GABBR2: variants seen among roughly 807,000 people sequenced by gnomAD.
The protein encoded by GABBR2 is gamma-aminobutyric acid type B receptor subunit 2.
Under a neutral mutation model 105.6 loss-of-function variants are expected in GABBR2, and 23 were observed. The ratio of observed to expected loss-of-function variants is 0.22; its 90% CI spans 0.16 to 0.31. The LOEUF is 0.31. Among genes scored for constraint, GABBR2 ranks in the 10% least tolerant of loss-of-function variants. The pLI, the probability that GABBR2 is intolerant of heterozygous loss-of-function variation, is 1.00. For synonymous variants in GABBR2, 478 were observed against 499.7 expected (o/e 0.96, Z 0.58); for missense variants, 734 against 1,245.5 (o/e 0.59, Z 6.18).
intron 13 of GABBR2, among the ~76,000 whole-genome samples, chr9:98,359,197 G>A (rs1273576355): frequency 1.3e-5 from 2 of 152,164 alleles, no homozygotes; most frequent in African/African-American, 2.4e-5. Context: ...GGAGGCTGAG[G>A]CAGGTGGATC....
intron 1 of GABBR2, among the ~76,000 whole-genome samples, chr9:98,645,100 C>T (rs887550085): frequency 6.6e-6 from 1 of 152,182 alleles, no homozygotes; most frequent in Non-Finnish European, 1.5e-5. Flanking sequence ...GAGAGACTGG[C>T]TTGCCATGAA....
In GABBR2 at chr9:98,708,779, T is replaced by A; in HGVS notation, c.-42A>T. 1.0e-6 allele frequency: 1 copy of A among 973,828 alleles called. No homozygotes were observed. The highest frequency in any genetic ancestry group is 1.2e-6 in the Non-Finnish European group (1 of 822,574). 60.3% of individuals were successfully genotyped at this position (973,828 alleles called of 1,614,324 possible). ...CGGGCGCCGGCTCACTCGGCCCGCA[T>A]GGCCTGGCCCGGCCCGCCGCCCCGC... On this transcript the variant is annotated 5_prime_UTR_variant, in exon 1 of 19. The change abolishes an upstream ATG in the 5' untranslated region. Transcript: ENST00000259455.
chr9:98,362,898 T>A, intron 12 of GABBR2, 61 bp from the exon 13 acceptor site: 1 of 1,417,526 alleles, frequency 7.1e-7, no homozygotes, highest in Admixed American at 2.5e-5. Flanking sequence ...ACGCAGCAAC[T>A]GGGGGCCCAG....
At chr9:98,477,125 G>A (rs992718194) in intron 5 of GABBR2, among the ~76,000 whole-genome samples, 32 of 152,176 alleles carry the variant, frequency 2.1e-4, no homozygotes, top group African/African-American at 7.7e-4. Flanking sequence ...GGCCATGCCA[G>A]TTCTCTCCTG....
rs182917854 is a variant in GABBR2 at position 98,371,641 on chromosome 9, C to T, written c.1663-70G>A. The T allele has an allele frequency of 2.2e-5, 18 of 820,388 alleles. No homozygotes were observed. The Admixed American group carries it at 3.1e-4, about 14-fold the overall frequency. 50.8% of individuals were successfully genotyped at this position (820,388 alleles called of 1,614,324 possible). On this transcript the variant is annotated intron_variant, in intron 11 of 18. Transcript: ENST00000259455. ...ACAGACTTCATCAGGTATGAGTCCA[C>T]CCTGCAAGGGGACTCTTTATGATGG...
chr9:98,535,722 T>C (rs2779599), intron 3 of GABBR2, among the ~76,000 whole-genome samples: 17,449 of 151,990 alleles, frequency 0.11, 1,311 homozygotes, highest in East Asian at 0.33. Flanking sequence ...TATCAAGCAA[T>C]GAAAAGACAT....
At chr9:98,499,158 G>GATC (rs1184745490) in intron 3 of GABBR2, among the ~76,000 whole-genome samples, 2 of 152,266 alleles carry the variant, frequency 1.3e-5, no homozygotes, top group African/African-American at 4.8e-5. Flanking sequence ...AAGTTGGAGT[G>GATC]ATCATTCCCA....
chr9:98,658,600 T>A (rs1830214654), intron 1 of GABBR2, among the ~76,000 whole-genome samples: 1 of 152,188 alleles, frequency 6.6e-6, no homozygotes, highest in South Asian at 2.1e-4. Flanking sequence ...GACCAGTCCT[T>A]ATTCAATGTG....
At chr9:98,678,320 T>C (rs1830500465) in intron 1 of GABBR2, among the ~76,000 whole-genome samples, 1 of 152,224 alleles carries the variant, frequency 6.6e-6, no homozygotes, top group African/African-American at 2.4e-5. Flanking sequence ...TACCAACCAC[T>C]GCCAGCTCTA....
At chr9:98,550,050 C>T (rs186008057) in intron 2 of GABBR2, among the ~76,000 whole-genome samples, 14 of 152,324 alleles carry the variant, frequency 9.2e-5, no homozygotes, top group African/African-American at 3.1e-4. Context: ...CTTTGACCTT[C>T]ATCCTGGAGC....
chr9:98,374,600 C>T (rs1289843526), intron 11 of GABBR2, among the ~76,000 whole-genome samples: 3 of 152,202 alleles, frequency 2.0e-5, no homozygotes, highest in Non-Finnish European at 2.9e-5. Context: ...AGTAGGCAGA[C>T]GGTGTCGACA....
At position 98,290,707 on chromosome 9, in the gene GABBR2, G is replaced by A. The variant is rs776455748; in HGVS notation, c.2703C>T (p.His901=). The A allele has an allele frequency of 2.6e-5, 38 of 1,489,520 alleles. No individual in the cohort carries two copies. Among genetic ancestry groups the A allele is most frequent in the South Asian group, 4.4e-5 (3 of 68,320 alleles). The allele number at this position is 1,489,520 out of a possible 1,614,324, so 92.3% of individuals were successfully genotyped here. The change falls in exon 19 of 19, where the codon CAC becomes CAT. Residue 901 remains histidine, a synonymous_variant. Transcript: ENST00000259455. The part of the protein sequence containing the change: ...RLSLQLPILH[H]AYLPSIGGVD... ...CGCCTCCGATGGATGGGAGGTAGGC[G>A]TGGTGGAGGATGGGGAGCTGGAGGG...
chr9:98,601,991 CTCTT>C (rs1406825330), intron 1 of GABBR2, among the ~76,000 whole-genome samples: 1 of 152,106 alleles, frequency 6.6e-6, no homozygotes, highest in Non-Finnish European at 1.5e-5. Context: ...ACTTGAACGG[CTCTT>C]TATTTTTTCA....
chr9:98,591,578 C>T (rs1829145214), intron 1 of GABBR2, among the ~76,000 whole-genome samples: 1 of 152,152 alleles, frequency 6.6e-6, no homozygotes, highest in African/African-American at 2.4e-5. Context: ...GCGTGAAGTG[C>T]TGGTGGATGG....
chr9:98,584,277 T>C (rs1453482065), intron 1 of GABBR2, among the ~76,000 whole-genome samples: 1 of 152,242 alleles, frequency 6.6e-6, no homozygotes. Context: ...ATGACTGGCC[T>C]AGCCTCTGTC....
At chr9:98,682,693 T>C (rs1426238132) in intron 1 of GABBR2, among the ~76,000 whole-genome samples, 1 of 151,962 alleles carries the variant, frequency 6.6e-6, no homozygotes, top group South Asian at 2.1e-4. Flanking sequence ...TTTACCAATC[T>C]TAATACATAA....
intron 17 of GABBR2, among the ~76,000 whole-genome samples, chr9:98,294,569 C>G (rs530378387): frequency 5.3e-5 from 8 of 151,946 alleles, no homozygotes; most frequent in Non-Finnish European, 8.8e-5. Context: ...ACTTCCACCT[C>G]CCAGGTTCAA....
chr9:98,376,920 A>G (rs1831884693), intron 11 of GABBR2, among the ~76,000 whole-genome samples: 1 of 152,112 alleles, frequency 6.6e-6, no homozygotes, highest in African/African-American at 2.4e-5. Flanking sequence ...AATTTCTGAA[A>G]GGCACCCCGT....
chr9:98,341,701 C>T (rs901588644), intron 13 of GABBR2, among the ~76,000 whole-genome samples: 9 of 152,220 alleles, frequency 5.9e-5, no homozygotes, highest in South Asian at 2.1e-4. Context: ...CTCAGTTCCA[C>T]GAGGACCTAA....
Sources: gnomAD v4.1 joint callset for allele counts (sites outside exome capture counted in the v4.1 genomes callset) on GRCh38, gnomAD v4.1.1 for gene constraint, MANE v1.5 for transcripts, NCBI Gene and HGNC (gene_info 2026-07-23, HGNC 2026-07-21) for gene names.